TAFA2: variants seen among roughly 807,000 people sequenced by gnomAD.
The protein encoded by TAFA2 is chemokine-like protein TAFA-2.
In TAFA2, 7 loss-of-function variants were observed where a neutral mutation model predicts 18.8. The ratio of observed to expected loss-of-function variants is 0.37; its 90% CI spans 0.21 to 0.70. TAFA2 has a LOEUF of 0.70. Ranked by LOEUF, TAFA2 falls within the 30% of genes least tolerant of loss-of-function variation. The pLI is 0.53. For missense variants in TAFA2, 122 were observed against 158.1 expected (o/e 0.77, Z 1.23); for synonymous variants, 60 against 54.2 (o/e 1.11, Z -0.47).
chr12:62,082,855 C>CA, intron 1 of TAFA2, among the ~76,000 whole-genome samples: 1 of 152,164 alleles, frequency 6.6e-6, no homozygotes, highest in South Asian at 2.1e-4. Context: ...TAGTCATTCA[C>CA]AAAAAAGGAA....
rs1394900613 is a variant in TAFA2, at chr12:62,233,062, ATC to A, written c.-130+25699_-130+25700del. Among the ~76,000 whole-genome samples, 6 of 94,258 alleles carry A rather than the reference ATC, an allele frequency of 6.4e-5. 1 individual carries two copies. The highest frequency in any genetic ancestry group is 6.9e-4 in the South Asian group (2 of 2,912). The allele number at this position is 94,258 out of a possible 152,430, so 61.8% of individuals were successfully genotyped here. ...TATTTGTCCTCCCAGCAATTTCTGCATCTCTTTTTTTTTTTTTTTTTTTTTTT... is the reference window on the plus strand; with the variant it reads ...TATTTGTCCTCCCAGCAATTTCTGCATCTTTTTTTTTTTTTTTTTTTTTTT... On this transcript the variant is annotated intron_variant, in intron 1 of 5. Coordinates refer to the TAFA2 transcript ENST00000551619.
intron 1 of TAFA2, among the ~76,000 whole-genome samples, chr12:62,248,674 C>T (rs1177251115): frequency 6.6e-6 from 1 of 152,136 alleles, no homozygotes; most frequent in Non-Finnish European, 1.5e-5. Context: ...CTGTTTATTA[C>T]CAGCTCTCCA....
intron 1 of TAFA2, among the ~76,000 whole-genome samples, chr12:61,998,010 G>A (rs757584164): frequency 2.0e-5 from 3 of 152,024 alleles, no homozygotes; most frequent in Non-Finnish European, 4.4e-5. Flanking sequence ...GTTCCAATCT[G>A]CAGGAAATCA....
chr12:62,150,102 T>G (rs1424461568), intron 1 of TAFA2, among the ~76,000 whole-genome samples: 2 of 152,208 alleles, frequency 1.3e-5, no homozygotes, highest in Non-Finnish European at 2.9e-5. Flanking sequence ...GATGCTGTGT[T>G]TTTTGACCCA....
intron 4 of TAFA2, among the ~76,000 whole-genome samples, chr12:61,735,522 G>A (rs905319268): frequency 6.6e-6 from 1 of 151,876 alleles, no homozygotes; most frequent in African/African-American, 2.4e-5. Flanking sequence ...TTATTTATTT[G>A]CTTTTTAATT....
At chr12:61,994,627 A>G (rs1880121829) in intron 1 of TAFA2, among the ~76,000 whole-genome samples, 1 of 152,010 alleles carries the variant, frequency 6.6e-6, no homozygotes, top group Non-Finnish European at 1.5e-5. Flanking sequence ...TTTTCCCTCA[A>G]AATTGTTCTG....
chr12:62,074,314 A>T (rs1191178106), intron 1 of TAFA2, among the ~76,000 whole-genome samples: 1 of 152,238 alleles, frequency 6.6e-6, no homozygotes, highest in Admixed American at 6.5e-5. Context: ...GCATCACAAA[A>T]ATTTCAATAC....
chr12:61,978,614 C>T (rs1361195240), intron 1 of TAFA2, among the ~76,000 whole-genome samples: 1 of 151,882 alleles, frequency 6.6e-6, no homozygotes, highest in East Asian at 1.9e-4. Context: ...CAGTGGTGCT[C>T]AGCATTGAAG....
At chr12:62,111,477 G>C (rs1418347935) in intron 1 of TAFA2, among the ~76,000 whole-genome samples, 1 of 152,190 alleles carries the variant, frequency 6.6e-6, no homozygotes, top group Non-Finnish European at 1.5e-5. Flanking sequence ...ATTTGCGGTG[G>C]AGATTTCTGT....
intron 1 of TAFA2, among the ~76,000 whole-genome samples, chr12:62,083,724 T>TA (rs1312288000): frequency 5.3e-5 from 8 of 149,570 alleles, no homozygotes; most frequent in Non-Finnish European, 7.4e-5. Flanking sequence ...TTTAAATATA[T>TA]TTTTTTTTGT....
intron 1 of TAFA2, among the ~76,000 whole-genome samples, chr12:62,045,086 C>G (rs1459687311): frequency 1.3e-5 from 2 of 152,132 alleles, no homozygotes; most frequent in East Asian, 1.9e-4. Context: ...ACCTAACTAG[C>G]TTATCTGGCA....
intron 1 of TAFA2, among the ~76,000 whole-genome samples, chr12:62,222,673 A>AT (rs767010579): frequency 0.18 from 24,805 of 140,782 alleles, 2,312 homozygotes; most frequent in African/African-American, 0.25. Context: ...CGCCCAGCTA[A>AT]TTTTTTTTTT....
At chr12:61,896,989 CT>C (rs1875875635) in intron 1 of TAFA2, among the ~76,000 whole-genome samples, 1 of 152,156 alleles carries the variant, frequency 6.6e-6, no homozygotes, top group Admixed American at 6.5e-5. Context: ...TCAAAAATGA[CT>C]GATTTCATGC....
intron 4 of TAFA2, among the ~76,000 whole-genome samples, chr12:61,717,729 T>G (rs1179109513): frequency 6.6e-6 from 1 of 152,184 alleles, no homozygotes; most frequent in Non-Finnish European, 1.5e-5. Context: ...ACTTGGCATA[T>G]AATCTTTCTA....
chr12:61,768,523 G>A (rs1462853972), intron 2 of TAFA2, among the ~76,000 whole-genome samples: 2 of 152,130 alleles, frequency 1.3e-5, no homozygotes, highest in East Asian at 1.9e-4. Context: ...AAAGTGTGAG[G>A]GGGAAGGTCC....
intron 1 of TAFA2, among the ~76,000 whole-genome samples, chr12:61,924,426 G>A (rs1326214486): frequency 1.3e-5 from 2 of 152,192 alleles, no homozygotes; most frequent in African/African-American, 4.8e-5. Flanking sequence ...GAGAGTGGGG[G>A]CCAATATTCA....
chr12:61,860,170 ATGT>A (rs1242128063), intron 2 of TAFA2, among the ~76,000 whole-genome samples: 5 of 152,178 alleles, frequency 3.3e-5, no homozygotes, highest in African/African-American at 2.4e-5. Flanking sequence ...AGATGTCCAA[ATGT>A]TGTTTAATAA....
chr12:62,190,452 T>C (rs1245664), intron 1 of TAFA2, among the ~76,000 whole-genome samples: 6 of 151,992 alleles, frequency 3.9e-5, no homozygotes, highest in Non-Finnish European at 7.4e-5. Context: ...GGCAAAGCAG[T>C]TAGCAGAAAA....
chr12:62,249,138 CAAT>C (rs902843459), intron 1 of TAFA2, among the ~76,000 whole-genome samples: 5 of 151,892 alleles, frequency 3.3e-5, no homozygotes, highest in Non-Finnish European at 5.9e-5. Context: ...ACACATTGCA[CAAT>C]GTGACCCTCA....
Sources: allele counts gnomAD v4.1 joint callset (sites outside exome capture counted in the v4.1 genomes callset), GRCh38; gene constraint gnomAD v4.1.1; transcripts MANE v1.5; gene names NCBI Gene and HGNC (gene_info 2026-07-23, HGNC 2026-07-21).